Variants in RABGAP1L observed in about 807,000 individuals in gnomAD.
RABGAP1L encodes the protein rab GTPase-activating protein 1-like.
A neutral mutation model predicts 137.7 loss-of-function variants in RABGAP1L; 63 were observed. The ratio of observed to expected loss-of-function variants is 0.46; its 90% CI spans 0.37 to 0.56. RABGAP1L has a LOEUF of 0.56. RABGAP1L is among the 20% of genes least tolerant of loss of function. The pLI, the probability that RABGAP1L is intolerant of heterozygous loss-of-function variation, is 0.00. For synonymous variants in RABGAP1L, 431 were observed against 433.7 expected (o/e 0.99, Z 0.08); for missense variants, 1,095 against 1,244.0 (o/e 0.88, Z 1.80).
intron 18 of RABGAP1L, among the ~76,000 whole-genome samples, chr1:174,789,245 T>C (rs1687675779): frequency 6.6e-6 from 1 of 152,170 alleles, no homozygotes; most frequent in African/African-American, 2.4e-5. Context: ...AGATCAGTAA[T>C]AGCCTTTTTG....
At chr1:174,579,753 T>C (rs1668606111) in intron 13 of RABGAP1L, among the ~76,000 whole-genome samples, 1 of 152,192 alleles carries the variant, frequency 6.6e-6, no homozygotes, top group Non-Finnish European at 1.5e-5. Context: ...TAAATCTTCA[T>C]GACTTTGGAT....
At position 174,809,207 on chromosome 1, in the gene RABGAP1L, C is replaced by T. The variant is rs147365393; in HGVS notation, c.2212-2625C>T. On this transcript the variant is annotated intron_variant, in intron 18 of 25. Transcript: ENST00000681986. The stretch of plus-strand genomic sequence containing the variant: ...AGATCTCTTCTCTTCTTGAGCTTAA[C>T]TGAGCTGGGCAATCCATGTGATTTG... Among the ~76,000 whole-genome samples, 927 of 152,296 alleles carry T rather than the reference C, an allele frequency of 6.1e-3. 2 individuals are homozygous for T. Among genetic ancestry groups the T allele is most frequent in the Middle Eastern group, 0.017 (5 of 294 alleles).
In RABGAP1L at chr1:174,448,017, G is replaced by A; in HGVS notation, c.1710+53872G>A. ...AGCACTGACACTGTCTACTGAAGCA[G>A]GTTCTGAAACACTCATGTGCGGTGT... On this transcript the variant is annotated intron_variant, in intron 13 of 25. Transcript: ENST00000681986. This position sits in a 1 kb window ranked among gnomAD's most constrained non-coding sequence, Gnocchi z 4.2. 9.8e-7 allele frequency: 1 copy of A among 1,021,378 alleles called. No individual in the cohort carries two copies. The highest frequency in any genetic ancestry group is 2.2e-5 in the Admixed American group (1 of 45,584). The allele number at this position is 1,021,378 out of a possible 1,614,324, so 63.3% of individuals were successfully genotyped here. A position where few individuals can be genotyped will look rare whatever the true frequency, so the allele number is the denominator to read the frequency against.
intron 19 of RABGAP1L, among the ~76,000 whole-genome samples, chr1:174,953,630 A>C (rs1333683031): frequency 1.3e-5 from 2 of 152,230 alleles, no homozygotes; most frequent in East Asian, 3.8e-4. Context: ...CATCAGGGGA[A>C]TAGATGAAAA....
intron 10 of RABGAP1L, among the ~76,000 whole-genome samples, chr1:174,301,041 G>A (rs1488998290): frequency 6.6e-6 from 1 of 152,084 alleles, no homozygotes; most frequent in Non-Finnish European, 1.5e-5. Flanking sequence ...CCCACACTTG[G>A]CCTGCCAGTT....
intron 24 of RABGAP1L, among the ~76,000 whole-genome samples, chr1:174,986,087 C>T (rs184586468): frequency 4.9e-4 from 74 of 152,172 alleles, no homozygotes; most frequent in Middle Eastern, 3.4e-3. Context: ...TACAGTCACG[C>T]GCCTCCACAC....
intron 10 of RABGAP1L, among the ~76,000 whole-genome samples, chr1:174,284,197 A>T (rs905059470): frequency 6.6e-6 from 1 of 152,178 alleles, no homozygotes; most frequent in Non-Finnish European, 1.5e-5. Flanking sequence ...TCACCATGGA[A>T]CATATTCATC....
At chr1:174,956,878 C>G (rs1668587350) in intron 19 of RABGAP1L, among the ~76,000 whole-genome samples, 1 of 152,018 alleles carries the variant, frequency 6.6e-6, no homozygotes. Context: ...GAACTCCTGA[C>G]CTCAAGTGAT....
intron 19 of RABGAP1L, among the ~76,000 whole-genome samples, chr1:174,822,902 T>C (rs2148891103): frequency 6.6e-6 from 1 of 152,346 alleles, no homozygotes; most frequent in Admixed American, 6.5e-5. Context: ...TTTCTGGCAG[T>C]TCATTAAAAA....
chr1:174,965,262 G>A (rs988056597), intron 20 of RABGAP1L, among the ~76,000 whole-genome samples: 1 of 152,204 alleles, frequency 6.6e-6, no homozygotes, highest in African/African-American at 2.4e-5. Flanking sequence ...GCAAGAGGGA[G>A]CCAGTTTGCC....
At chr1:174,488,476 G>A (rs1232969834) in intron 13 of RABGAP1L, among the ~76,000 whole-genome samples, 2 of 151,782 alleles carry the variant, frequency 1.3e-5, no homozygotes, top group African/African-American at 2.4e-5. Context: ...TTAACCTTTG[G>A]GAGTTTAACT....
chr1:174,531,879 A>G (rs1183335333), intron 13 of RABGAP1L, among the ~76,000 whole-genome samples: 1 of 152,184 alleles, frequency 6.6e-6, no homozygotes, highest in Admixed American at 6.5e-5. Context: ...ACTGGAAGAA[A>G]GGAGACAATG....
intron 13 of RABGAP1L, among the ~76,000 whole-genome samples, chr1:174,472,770 G>T (rs1373365207): frequency 1.3e-5 from 2 of 152,136 alleles, no homozygotes; most frequent in Non-Finnish European, 2.9e-5. Context: ...CTCTCAGAAG[G>T]AGTTTAACAT....
intron 13 of RABGAP1L, among the ~76,000 whole-genome samples, chr1:174,598,827 T>C (rs967142496): frequency 1.3e-5 from 2 of 152,160 alleles, no homozygotes; most frequent in Non-Finnish European, 1.5e-5. Context: ...CAAAAGATCA[T>C]TGGGTCTTTT....
chr1:174,416,376 T>C (rs1650594928), intron 13 of RABGAP1L, among the ~76,000 whole-genome samples: 1 of 152,092 alleles, frequency 6.6e-6, no homozygotes, highest in Non-Finnish European at 1.5e-5. Flanking sequence ...AGCATCATTC[T>C]TTAACTGCTT....
intron 1 of RABGAP1L, among the ~76,000 whole-genome samples, chr1:174,169,528 G>GT (rs987551338): frequency 6.6e-6 from 1 of 152,036 alleles, no homozygotes; most frequent in Non-Finnish European, 1.5e-5. Context: ...CCCAGATAAA[G>GT]TTTTTTTAAA....
At chr1:174,542,541 C>T (rs940329422) in intron 13 of RABGAP1L, among the ~76,000 whole-genome samples, 1 of 152,058 alleles carries the variant, frequency 6.6e-6, no homozygotes, top group Non-Finnish European at 1.5e-5. Flanking sequence ...TTTCAAAAAA[C>T]CAGCTCCTGG....
intron 18 of RABGAP1L, among the ~76,000 whole-genome samples, chr1:174,754,252 C>G (rs1170219272): frequency 1.3e-5 from 2 of 152,046 alleles, no homozygotes; most frequent in Non-Finnish European, 2.9e-5. Flanking sequence ...TATGTAACTT[C>G]CTTATATGAA....
chr1:174,310,411 A>T (rs1678714089), intron 11 of RABGAP1L, among the ~76,000 whole-genome samples: 1 of 152,160 alleles, frequency 6.6e-6, no homozygotes, highest in African/African-American at 2.4e-5. Context: ...ACAGTTGAGG[A>T]GAATGTATAT....
Sources: gnomAD v4.1 joint callset for allele counts (sites outside exome capture counted in the v4.1 genomes callset) on GRCh38, gnomAD v4.1.1 for gene constraint, Gnocchi (gnomAD v3.1) non-coding constraint, MANE v1.5 for transcripts, NCBI Gene and HGNC (gene_info 2026-07-23, HGNC 2026-07-21) for gene names.